The following PCBP3 variants were observed in gnomAD, a reference collection of about 807,000 sequenced individuals.
The protein encoded by PCBP3 is poly(rC)-binding protein 3.
PCBP3 carries 25 observed loss-of-function variants against 52.7 expected under a neutral mutation model. The observed-to-expected ratio is 0.47, with a 90% confidence interval of 0.35 to 0.66. PCBP3 has a LOEUF of 0.66. PCBP3 is among the 30% of genes least tolerant of loss of function. The pLI is 0.01. For missense variants in PCBP3, 391 were observed against 490.3 expected (o/e 0.80, Z 1.91); for synonymous variants, 162 against 183.0 (o/e 0.89, Z 0.93).
chr21:45,849,465 C>G (rs976019467), intron 4 of PCBP3, among the ~76,000 whole-genome samples: 1 of 152,118 alleles, frequency 6.6e-6, no homozygotes, highest in African/African-American at 2.4e-5. Context: ...CTTGGCCTCC[C>G]AAAGTGCTGG....
In PCBP3 at chr21:45,789,298, G is replaced by A. The variant is rs570867359; in HGVS notation, c.-126+33846G>A. Among the ~76,000 whole-genome samples, 254 of 152,348 alleles carry A rather than the reference G, an allele frequency of 1.7e-3. 1 individual carries two copies. The highest frequency in any genetic ancestry group is 5.0e-3 in the African/African-American group (207 of 41,588). ...GTGTGATTGTGCACGTAGTGTACCC[G>A]CATGTGTGCGAGGGTGAGTGTGTGC... is the stretch of plus-strand genomic sequence containing the variant. On this transcript the variant is annotated intron_variant, in intron 4 of 17. Transcript: ENST00000681687.
intron 17 of PCBP3, 75 bp from the exon 18 acceptor site, chr21:45,941,595 C>A: frequency 7.3e-7 from 1 of 1,377,454 alleles, no homozygotes; most frequent in Non-Finnish European, 1.0e-6. Context: ...GCCACACAGC[C>A]CGGCCTCACG....
In PCBP3 at chr21:45,711,455, C is replaced by T. The variant is rs374543408; in HGVS notation, c.-199-23937C>T. Among the ~76,000 whole-genome samples, 4 of 152,340 alleles carry T rather than the reference C, an allele frequency of 2.6e-5. No homozygotes were observed. In the East Asian group the frequency reaches 5.8e-4, roughly 22 times the overall value. On this transcript the variant is annotated intron_variant, in intron 2 of 17. Coordinates refer to ENST00000681687, the MANE Select transcript of PCBP3 (RefSeq NM_001384156.1). ...TAGCCTTCTCCCCTTGCTGGCTTCT[C>T]ACTCCAACAGTGAGAAACTGGTTTG...
intron 4 of PCBP3, among the ~76,000 whole-genome samples, chr21:45,824,739 C>G (rs1342907884): frequency 6.6e-6 from 1 of 152,132 alleles, no homozygotes; most frequent in Non-Finnish European, 1.5e-5. Context: ...ATGATGAAAC[C>G]CAGATGGCTG....
intron 1 of PCBP3, among the ~76,000 whole-genome samples, chr21:45,647,017 G>A (rs529024288): frequency 2.6e-5 from 4 of 151,918 alleles, no homozygotes; most frequent in African/African-American, 9.7e-5. Flanking sequence ...TTTCTCTTGA[G>A]GTTAATGTTG....
chr21:45,913,503 A>G (rs1396402803), intron 11 of PCBP3, among the ~76,000 whole-genome samples: 1 of 152,154 alleles, frequency 6.6e-6, no homozygotes, highest in Admixed American at 6.5e-5. Flanking sequence ...GGCCCTGCGC[A>G]TCCCAGGAGG....
chr21:45,920,715 CAG>C (rs1449279369), intron 13 of PCBP3, among the ~76,000 whole-genome samples: 2 of 152,168 alleles, frequency 1.3e-5, no homozygotes, highest in Non-Finnish European at 2.9e-5. Flanking sequence ...ACAGAAGCTT[CAG>C]AGAGTGGCCT....
Position 45,817,479 on chromosome 21 carries a change from GC to G in PCBP3, c.-125-32481del, listed in dbSNP as rs1307305222. On this transcript the variant is annotated intron_variant, in intron 4 of 17. Transcript: ENST00000681687. This position sits in a 1 kb window ranked among gnomAD's most constrained non-coding sequence, Gnocchi z 4.3. The stretch of plus-strand genomic sequence containing the variant: ...AGTTTGGGGGCCCCGTCTCCTCTTA[GC>G]TCTTGCCTCTGCTGTCCCCATCTCC... 1.3e-5 allele frequency among the ~76,000 whole-genome samples: 2 copies of G among 152,220 alleles called. No individual in the cohort carries two copies. The highest frequency in any genetic ancestry group is 4.8e-5 in the African/African-American group (2 of 41,444).
intron 4 of PCBP3, among the ~76,000 whole-genome samples, chr21:45,815,332 G>GAGT (rs1340164262): frequency 2.1e-5 from 1 of 48,260 alleles, no homozygotes; most frequent in Non-Finnish European, 4.2e-5. Context: ...AGTGAGTGAT[G>GAGT]AGTGAGTGGT....
At chr21:45,839,682 T>C (rs2093658866) in intron 4 of PCBP3, among the ~76,000 whole-genome samples, 1 of 152,114 alleles carries the variant, frequency 6.6e-6, no homozygotes, top group East Asian at 1.9e-4. Context: ...TATGTCTTAG[T>C]GTTGTTGTTG....
chr21:45,815,581 GTGAGTGAGTGGTGAGTGA>G (rs2092898777), intron 4 of PCBP3, among the ~76,000 whole-genome samples: 1 of 92,976 alleles, frequency 1.1e-5, no homozygotes, highest in Non-Finnish European at 2.1e-5. Context: ...GTGGTGAGTG[GTGAGTGAGTGGTGAGTGA>G]TGAGTGAGTG....
intron 4 of PCBP3, among the ~76,000 whole-genome samples, chr21:45,755,718 C>G (rs1358603333): frequency 6.6e-6 from 1 of 152,112 alleles, no homozygotes; most frequent in Non-Finnish European, 1.5e-5. Context: ...ATCTGTATGT[C>G]TTCTTTGGCA....
chr21:45,830,396 T>A lies in PCBP3; in HGVS notation c.-125-19565T>A, dbSNP rs1228121903. On this transcript the variant is annotated intron_variant, in intron 4 of 17. Transcript: ENST00000681687. This position sits in a 1 kb window ranked among gnomAD's most constrained non-coding sequence, Gnocchi z 4.4. The stretch of plus-strand genomic sequence containing the variant: ...GTGAACACATAGCCTTTCAGAGGCC[T>A]CTATAATGCGCCGAGCAGTTGTGTC... 3.3e-5 allele frequency: 5 copies of A among 153,042 alleles called. No individual in the cohort carries two copies. Among genetic ancestry groups the A allele is most frequent in the African/African-American group, 1.2e-4 (5 of 41,590 alleles). The allele number at this position is 153,042 out of a possible 1,614,324, so 9.5% of individuals were successfully genotyped here.
At chr21:45,702,993 C>A (rs977580674) in intron 2 of PCBP3, among the ~76,000 whole-genome samples, 3 of 152,142 alleles carry the variant, frequency 2.0e-5, no homozygotes, top group African/African-American at 7.2e-5. Context: ...AACCACTTTT[C>A]TGCTTCTCAT....
In PCBP3 at chr21:45,917,535, T is replaced by C; in HGVS notation, c.676-53T>C. On this transcript the variant is annotated intron_variant, in intron 12 of 17. Coordinates refer to ENST00000681687, the MANE Select transcript of PCBP3 (RefSeq NM_001384156.1). This position sits in a 1 kb window ranked among gnomAD's most constrained non-coding sequence, Gnocchi z 5.3. ...CATGCTGGAGGGTGGCGGCGGGTGCTGAGCCGTGGTGCAGCCAGGTTGCAG... is the reference window on the plus strand; with the variant it reads ...CATGCTGGAGGGTGGCGGCGGGTGCCGAGCCGTGGTGCAGCCAGGTTGCAG... 2.0e-6 allele frequency: 3 copies of C among 1,496,324 alleles called. No homozygotes were observed. Among genetic ancestry groups the C allele is most frequent in the Admixed American group, 3.3e-5 (2 of 59,844 alleles). The allele number at this position is 1,496,324 out of a possible 1,614,324, so 92.7% of individuals were successfully genotyped here.
chr21:45,855,385 C>T (rs2094240677), intron 5 of PCBP3, among the ~76,000 whole-genome samples: 1 of 152,224 alleles, frequency 6.6e-6, no homozygotes, highest in African/African-American at 2.4e-5. Context: ...CGCCCTCAAA[C>T]AGCCCATCAC....
chr21:45,675,752 A>G (rs1159402085), intron 2 of PCBP3, among the ~76,000 whole-genome samples: 1 of 152,158 alleles, frequency 6.6e-6, no homozygotes, highest in Non-Finnish European at 1.5e-5. Context: ...TCATAATGAT[A>G]TGGAGCCATT....
intron 3 of PCBP3, among the ~76,000 whole-genome samples, chr21:45,755,146 G>A (rs566883386): frequency 2.0e-5 from 3 of 152,196 alleles, no homozygotes; most frequent in South Asian, 4.2e-4. Context: ...CCTGACAATC[G>A]CTGATCTGTT....
Position 45,741,917 on chromosome 21 carries a change from C to T in PCBP3, c.-162+6488C>T, listed in dbSNP as rs916068676. On this transcript the variant is annotated intron_variant, in intron 3 of 17. Transcript: ENST00000681687. This position sits in a 1 kb window ranked among gnomAD's most constrained non-coding sequence, Gnocchi z 4.5. ...CGCCTCTTGCCCAGTGCCCTGGGGGCGGTGGGGAAATTCCAGTCCAGACTG... is the reference window on the plus strand; with the variant it reads ...CGCCTCTTGCCCAGTGCCCTGGGGGTGGTGGGGAAATTCCAGTCCAGACTG... 2.6e-5 allele frequency among the ~76,000 whole-genome samples: 4 copies of T among 152,056 alleles called. No individual in the cohort carries two copies. The highest frequency in any genetic ancestry group is 6.6e-5 in the Admixed American group (1 of 15,266).
Sources: allele counts gnomAD v4.1 joint callset (sites outside exome capture counted in the v4.1 genomes callset), GRCh38; gene constraint gnomAD v4.1.1; non-coding constraint Gnocchi (gnomAD v3.1); transcripts MANE v1.5; gene names NCBI Gene and HGNC (gene_info 2026-07-23, HGNC 2026-07-21).